Variants in PCDH9 observed in about 807,000 individuals in gnomAD.
The protein encoded by PCDH9 is protocadherin 9.
A neutral mutation model predicts 70.6 loss-of-function variants in PCDH9; 24 were observed. The ratio of observed to expected loss-of-function variants is 0.34; its 90% CI spans 0.25 to 0.48. The LOEUF is 0.48. PCDH9 is among the 20% of genes least tolerant of loss of function. The pLI, the probability that PCDH9 is intolerant of heterozygous loss-of-function variation, is 0.99. For missense variants in PCDH9, 1,281 were observed against 1,503.6 expected, an observed-to-expected ratio of 0.85 and a Z score of 2.45; for synonymous variants, 562 against 558.5, an observed-to-expected ratio of 1.01 and a Z score of -0.09.
chr13:67,155,636 T>A (rs1056568430), intron 2 of PCDH9, among the ~76,000 whole-genome samples: 2 of 152,116 alleles, frequency 1.3e-5, no homozygotes, highest in Non-Finnish European at 2.9e-5. Context: ...TCCCTCTGTG[T>A]TTTCTAAGGA....
At chr13:67,208,011 A>G (rs1225383926) in intron 2 of PCDH9, 1 of 152,202 alleles carries the variant, frequency 6.6e-6, no homozygotes, top group Non-Finnish European at 1.5e-5. Context: ...ATTCCAAATC[A>G]GATTCCAGTA....
At chr13:66,449,843 T>A (rs1381564105) in intron 4 of PCDH9, among the ~76,000 whole-genome samples, 2 of 152,154 alleles carry the variant, frequency 1.3e-5, no homozygotes, top group African/African-American at 4.8e-5. Context: ...AATTCTATTC[T>A]AGAGTTAGAA....
At chr13:66,813,017 T>C (rs752766832) in intron 3 of PCDH9, among the ~76,000 whole-genome samples, 30 of 152,146 alleles carry the variant, frequency 2.0e-4, no homozygotes, top group Non-Finnish European at 3.8e-4. Context: ...CATCAGACAA[T>C]CTGTGTAATT....
chr13:66,740,426 A>G (rs1213841670), intron 3 of PCDH9, among the ~76,000 whole-genome samples: 16 of 108,770 alleles, frequency 1.5e-4, no homozygotes, highest in African/African-American at 5.1e-4. Context: ...TCACAATTAA[A>G]AGAACTAGAA....
intron 4 of PCDH9, among the ~76,000 whole-genome samples, chr13:66,356,545 C>G (rs927820750): frequency 3.4e-4 from 51 of 151,726 alleles, no homozygotes; most frequent in Non-Finnish European, 4.3e-4. Flanking sequence ...CGGTGTTTTT[C>G]ACTCCAAAAA....
intron 2 of PCDH9, among the ~76,000 whole-genome samples, chr13:67,157,537 G>C (rs973586377): frequency 6.6e-6 from 1 of 152,040 alleles, no homozygotes. Context: ...TTATAGCACT[G>C]GCCTGTGCAG....
At chr13:66,940,634 C>T (rs9540951) in intron 2 of PCDH9, among the ~76,000 whole-genome samples, 58,481 of 151,400 alleles carry the variant, frequency 0.39, 11,627 homozygotes, top group East Asian at 0.56. Flanking sequence ...TGTTAAGCCC[C>T]GAGAAACAAA....
chr13:66,500,339 A>G (rs1443272504), intron 4 of PCDH9, among the ~76,000 whole-genome samples: 1 of 152,190 alleles, frequency 6.6e-6, no homozygotes, highest in Non-Finnish European at 1.5e-5. Flanking sequence ...TGTATAACAC[A>G]GCATTATTCC....
At chr13:67,211,905 A>AAATATCATGACTTGAAACAGCCCTTTTC (rs2089476829) in intron 2 of PCDH9, 1 of 152,080 alleles carries the variant, frequency 6.6e-6, no homozygotes, top group African/African-American at 2.4e-5. Context: ...CATTTTTTCA[A>AAATATCATGACTTGAAACAGCCCTTTTC]AATATCATGA....
At chr13:66,417,714 T>G (rs1047095475) in intron 4 of PCDH9, among the ~76,000 whole-genome samples, 15 of 152,222 alleles carry the variant, frequency 9.9e-5, no homozygotes, top group Non-Finnish European at 5.9e-5. Flanking sequence ...TGGCTTGAGA[T>G]AGTATCTCAC....
intron 4 of PCDH9, among the ~76,000 whole-genome samples, chr13:66,349,686 CT>C (rs1472654365): frequency 1.2e-4 from 18 of 152,222 alleles, no homozygotes; most frequent in African/African-American, 4.3e-4. Context: ...GCGGTGCTAC[CT>C]TTACCTGGCT....
At chr13:66,981,196 C>T (rs144052122) in intron 2 of PCDH9, among the ~76,000 whole-genome samples, 6 of 152,028 alleles carry the variant, frequency 3.9e-5, no homozygotes, top group East Asian at 1.9e-4. Flanking sequence ...CCCAGCACTT[C>T]GGGAGGCCCA....
At chr13:67,134,247 C>T (rs963117700) in intron 2 of PCDH9, among the ~76,000 whole-genome samples, 2 of 152,160 alleles carry the variant, frequency 1.3e-5, no homozygotes, top group South Asian at 4.1e-4. Flanking sequence ...AAGATCAGGA[C>T]TCAGGACAAT....
intron 4 of PCDH9, among the ~76,000 whole-genome samples, chr13:66,427,490 T>TA: frequency 6.6e-6 from 1 of 151,782 alleles, no homozygotes; most frequent in African/African-American, 2.4e-5. Context: ...ACATGTGTTT[T>TA]GTGTTAGTTC....
intron 4 of PCDH9, among the ~76,000 whole-genome samples, chr13:66,457,412 G>C (rs1958338586): frequency 6.6e-6 from 1 of 152,014 alleles, no homozygotes; most frequent in Non-Finnish European, 1.5e-5. Context: ...CAAGTAAATA[G>C]AGCATTTCCA....
chr13:66,309,453 A>T (rs1403215147), intron 4 of PCDH9, among the ~76,000 whole-genome samples: 1 of 151,988 alleles, frequency 6.6e-6, no homozygotes, highest in African/African-American at 2.4e-5. Flanking sequence ...TCTCATTTTT[A>T]GAAGTACTGA....
intron 2 of PCDH9, among the ~76,000 whole-genome samples, chr13:66,999,615 T>G (rs1037956886): frequency 6.6e-6 from 1 of 151,130 alleles, no homozygotes; most frequent in Non-Finnish European, 1.5e-5. Context: ...GAATCTACAA[T>G]GAACTCAAAC....
At chr13:66,329,000 C>T (rs960786826) in intron 4 of PCDH9, among the ~76,000 whole-genome samples, 1 of 152,096 alleles carries the variant, frequency 6.6e-6, no homozygotes, top group African/African-American at 2.4e-5. Context: ...ATTCCACTTA[C>T]CTTTTCTTTT....
intron 4 of PCDH9, among the ~76,000 whole-genome samples, chr13:66,576,302 C>G (rs1342962941): frequency 6.6e-6 from 1 of 151,908 alleles, no homozygotes; most frequent in Non-Finnish European, 1.5e-5. Context: ...GTTCCAGTTT[C>G]TTTATACACA....
Sources: gnomAD v4.1 joint callset for allele counts (sites outside exome capture counted in the v4.1 genomes callset) on GRCh38, gnomAD v4.1.1 for gene constraint, MANE v1.5 for transcripts, NCBI Gene and HGNC (gene_info 2026-07-23, HGNC 2026-07-21) for gene names.